Variants in NEXMIF observed in about 807,000 individuals in gnomAD.
NEXMIF encodes the protein XLMR protein related to neurite extension.
Under a neutral mutation model 62.1 loss-of-function variants are expected in NEXMIF, and 8 were observed. The ratio of observed to expected loss-of-function variants is 0.13; its 90% confidence interval spans 0.08 to 0.23. NEXMIF has a LOEUF of 0.23. NEXMIF is among the 10% of genes least tolerant of loss of function. The pLI, the probability that NEXMIF is intolerant of heterozygous loss-of-function variation, is 1.00. For missense variants in NEXMIF, 976 were observed against 1,113.3 expected (o/e 0.88, Z 1.75); for synonymous variants, 404 against 416.6 (o/e 0.97, Z 0.37).
intron 2 of NEXMIF, among the ~76,000 whole-genome samples, chrX:74,744,981 C>T (rs1324561378): frequency 9.6e-6 from 1 of 104,148 alleles, no homozygotes; most frequent in African/African-American, 3.5e-5. Flanking sequence ...CCCTCTCTCC[C>T]TCTCTCTCTT....
chrX:74,802,699 A>G (rs2080333313), intron 1 of NEXMIF, among the ~76,000 whole-genome samples: 1 of 110,726 alleles, frequency 9.0e-6, no homozygotes, highest in African/African-American at 3.3e-5. Context: ...ACATAACCAC[A>G]CCAAATGAAC....
At chrX:74,850,683 T>C (rs1457439003) in intron 1 of NEXMIF, among the ~76,000 whole-genome samples, 2 of 110,971 alleles carry the variant, frequency 1.8e-5, no homozygotes, top group African/African-American at 3.3e-5. Flanking sequence ...CAAGGTGCCC[T>C]ACCCAGCCAA....
intron 1 of NEXMIF, among the ~76,000 whole-genome samples, chrX:74,839,978 A>T (rs915299193): frequency 9.0e-6 from 1 of 111,724 alleles, no homozygotes; most frequent in Non-Finnish European, 1.9e-5. Context: ...CAGCTCTTTG[A>T]GGAATCACCA....
At chrX:74,857,243 A>G (rs5937909) in intron 1 of NEXMIF, among the ~76,000 whole-genome samples, 6,115 of 111,819 alleles carry the variant, frequency 0.055, 197 homozygotes, top group South Asian at 0.13. Flanking sequence ...TCATGGCTCC[A>G]AAAGAGACCC....
At chrX:74,758,377 A>C (rs1476905428) in intron 1 of NEXMIF, among the ~76,000 whole-genome samples, 4 of 111,639 alleles carry the variant, frequency 3.6e-5, no homozygotes, top group Non-Finnish European at 7.5e-5. Context: ...CATTTAGATA[A>C]AAAGTCTAGA....
chrX:74,842,682 A>T (rs1008336729), intron 1 of NEXMIF, among the ~76,000 whole-genome samples: 1 of 112,142 alleles, frequency 8.9e-6, no homozygotes, highest in Non-Finnish European at 1.9e-5. Flanking sequence ...CTTGATTCTC[A>T]TTCTTTTCAA....
intron 1 of NEXMIF, among the ~76,000 whole-genome samples, chrX:74,902,915 C>T (rs1162790450): frequency 8.9e-6 from 1 of 111,877 alleles, no homozygotes; most frequent in Non-Finnish European, 1.9e-5. Flanking sequence ...CAGGCTCAGA[C>T]TCCCCACAGA....
At chrX:74,856,773 A>G (rs1057001287) in intron 1 of NEXMIF, among the ~76,000 whole-genome samples, 5 of 112,006 alleles carry the variant, frequency 4.5e-5, no homozygotes, top group African/African-American at 1.6e-4. Flanking sequence ...GGTAGGAAAG[A>G]CAGTCTTGAA....
At chrX:74,832,308 T>G (rs1473467461) in intron 1 of NEXMIF, among the ~76,000 whole-genome samples, 1 of 111,799 alleles carries the variant, frequency 8.9e-6, no homozygotes, top group Admixed American at 9.5e-5. Context: ...AGGTTTTGAA[T>G]TTTTTCCTGG....
At chrX:74,891,831 T>C (rs1209241589) in intron 1 of NEXMIF, among the ~76,000 whole-genome samples, 1 of 111,880 alleles carries the variant, frequency 8.9e-6, no homozygotes, top group Non-Finnish European at 1.9e-5. Flanking sequence ...AGCTATGTTC[T>C]CTAAACATTT....
At chrX:74,820,108 T>G (rs5937303) in intron 1 of NEXMIF, among the ~76,000 whole-genome samples, 35,895 of 109,562 alleles carry the variant, frequency 0.33, 7,962 homozygotes, top group East Asian at 0.93. Context: ...AACACCACAT[T>G]TTCTCACTCA....
In NEXMIF at chrX:74,767,880, C is replaced by A. The variant is rs1171308378; in HGVS notation, c.-47-22183G>T. Among the ~76,000 whole-genome samples, 5 of 112,159 alleles carry A rather than the reference C, an allele frequency of 4.5e-5. No homozygotes were observed. The Admixed American group carries it at 4.7e-4, about 11-fold the overall frequency. On this transcript the variant is annotated intron_variant, in intron 1 of 3. Transcript: ENST00000055682. Reference sequence around the variant, plus strand: ...TGGTTAAAGTTCCAAGCCAGTGGGTCTTATCCTGCAAGGTTCCATGGAAGT... The same window carrying A: ...TGGTTAAAGTTCCAAGCCAGTGGGTATTATCCTGCAAGGTTCCATGGAAGT...
At chrX:74,823,047 C>T (rs1468511564) in intron 1 of NEXMIF, among the ~76,000 whole-genome samples, 1 of 112,095 alleles carries the variant, frequency 8.9e-6, no homozygotes. Flanking sequence ...CACACTATAA[C>T]ATAGGTGAAC....
chrX:74,888,063 C>G (rs1382516747), intron 1 of NEXMIF, among the ~76,000 whole-genome samples: 2 of 109,909 alleles, frequency 1.8e-5, no homozygotes, highest in African/African-American at 6.6e-5. Flanking sequence ...ACGGCATGTT[C>G]TCACTCATAG....
At chrX:74,869,820 A>G (rs1414704179) in intron 1 of NEXMIF, among the ~76,000 whole-genome samples, 1 of 111,895 alleles carries the variant, frequency 8.9e-6, no homozygotes, top group African/African-American at 3.2e-5. Context: ...ATTGAATAGG[A>G]CACCAAAAAA....
chrX:74,883,647 GA>G (rs1450803085), intron 1 of NEXMIF, among the ~76,000 whole-genome samples: 1 of 112,177 alleles, frequency 8.9e-6, no homozygotes, highest in Non-Finnish European at 1.9e-5. Flanking sequence ...GGGACTATGT[GA>G]AAAGACCAAA....
intron 1 of NEXMIF, among the ~76,000 whole-genome samples, chrX:74,872,817 C>A (rs930450056): frequency 9.1e-6 from 1 of 109,459 alleles, no homozygotes; most frequent in Non-Finnish European, 1.9e-5. Context: ...TATGTGTCAA[C>A]AAAAATTTAA....
At chrX:74,817,523 T>C (rs1384302849) in intron 1 of NEXMIF, among the ~76,000 whole-genome samples, 1 of 112,457 alleles carries the variant, frequency 8.9e-6, no homozygotes, top group East Asian at 2.8e-4. Context: ...TTGCATTCGA[T>C]GTTAAAGTAA....
intron 1 of NEXMIF, among the ~76,000 whole-genome samples, chrX:74,839,987 C>T (rs1389823408): frequency 8.9e-6 from 1 of 111,775 alleles, no homozygotes; most frequent in African/African-American, 3.3e-5. Context: ...GAGGAATCAC[C>T]ATACTGCTTT....
Sources: allele counts gnomAD v4.1 joint callset (sites outside exome capture counted in the v4.1 genomes callset), GRCh38; gene constraint gnomAD v4.1.1; transcripts MANE v1.5; gene names NCBI Gene and HGNC (gene_info 2026-07-23, HGNC 2026-07-21).